PABPC4L: variants seen among roughly 807,000 people sequenced by gnomAD.
PABPC4L encodes the protein poly(A) binding protein cytoplasmic 4 like, also known as polyadenylate-binding protein 4-like.
For missense variants in PABPC4L, 452 were observed against 451.4 expected, an observed-to-expected ratio of 1.00 and a Z score of -0.01; for synonymous variants, 169 against 164.1, an observed-to-expected ratio of 1.03 and a Z score of -0.23.
At chr4:134,134,180 AT>A in the PABPC4L span, among the ~76,000 whole-genome samples, 3 of 152,034 alleles carry the variant, frequency 2.0e-5, no homozygotes, top group Non-Finnish European at 4.4e-5. Flanking sequence ...GAATCATCTG[AT>A]TTTAAGTTCT....
chr4:133,979,564 C>G, the PABPC4L span, among the ~76,000 whole-genome samples: 1 of 152,110 alleles, frequency 6.6e-6, no homozygotes, highest in Non-Finnish European at 1.5e-5. Context: ...CCTGGGCTTT[C>G]CGTATTAGTT....
chr4:134,051,769 T>C, the PABPC4L span, among the ~76,000 whole-genome samples: 2 of 152,060 alleles, frequency 1.3e-5, no homozygotes, highest in African/African-American at 4.8e-5. Flanking sequence ...ATAAAGGAAA[T>C]ATCACATTTT....
At chr4:133,948,983 C>A in the PABPC4L span, among the ~76,000 whole-genome samples, 1 of 152,184 alleles carries the variant, frequency 6.6e-6, no homozygotes, top group Non-Finnish European at 1.5e-5. Context: ...AGCCTGAGAG[C>A]TAACCATTCC....
chr4:134,035,064 A>G, the PABPC4L span, among the ~76,000 whole-genome samples: 1 of 151,880 alleles, frequency 6.6e-6, no homozygotes, highest in Non-Finnish European at 1.5e-5. Flanking sequence ...TGCAACCACC[A>G]CTCTCATCAG....
At chr4:134,013,200 G>A in the PABPC4L span, among the ~76,000 whole-genome samples, 1 of 151,778 alleles carries the variant, frequency 6.6e-6, no homozygotes, top group Non-Finnish European at 1.5e-5. Context: ...ACCCTTAGCG[G>A]CAAGTCCCAC....
At chr4:134,111,129 G>T in the PABPC4L span, among the ~76,000 whole-genome samples, 8 of 152,112 alleles carry the variant, frequency 5.3e-5, no homozygotes, top group African/African-American at 7.2e-5. Context: ...TTCCAAAAAG[G>T]TGCCTTGAAT....
chr4:134,138,446 C>G, the PABPC4L span, among the ~76,000 whole-genome samples: 1 of 151,742 alleles, frequency 6.6e-6, no homozygotes, highest in Admixed American at 6.6e-5. Context: ...ATCAGTAACT[C>G]TAGTGATTAC....
chr4:134,171,972 T>G, the PABPC4L span, among the ~76,000 whole-genome samples: 2 of 151,676 alleles, frequency 1.3e-5, no homozygotes, highest in African/African-American at 4.8e-5. Context: ...GCATGAAATA[T>G]CTCTACAATG....
At chr4:134,026,829 G>T in the PABPC4L span, among the ~76,000 whole-genome samples, 1 of 152,032 alleles carries the variant, frequency 6.6e-6, no homozygotes, top group African/African-American at 2.4e-5. Context: ...GAAAACAGAG[G>T]TCTACGAGCC....
the PABPC4L span, among the ~76,000 whole-genome samples, chr4:134,017,960 T>C: frequency 6.6e-6 from 1 of 152,084 alleles, no homozygotes; most frequent in Non-Finnish European, 1.5e-5. Context: ...CTTATTAATA[T>C]AAGAAGACAG....
At chr4:134,121,715 TG>T in the PABPC4L span, among the ~76,000 whole-genome samples, 1 of 151,748 alleles carries the variant, frequency 6.6e-6, no homozygotes, top group African/African-American at 2.4e-5. Flanking sequence ...TTCCAGCTCC[TG>T]CACAAGTTAG....
the PABPC4L span, among the ~76,000 whole-genome samples, chr4:134,121,929 T>C: frequency 6.6e-6 from 1 of 151,862 alleles, no homozygotes; most frequent in East Asian, 1.9e-4. Context: ...GAAAGACAAG[T>C]TCGCCATGAT....
At chr4:133,968,239 C>G in the PABPC4L span, among the ~76,000 whole-genome samples, 8 of 152,130 alleles carry the variant, frequency 5.3e-5, no homozygotes, top group Non-Finnish European at 8.8e-5. Context: ...TCCAAGTTCC[C>G]TTGGAAAGTA....
the PABPC4L span, among the ~76,000 whole-genome samples, chr4:134,003,457 T>C: frequency 6.6e-6 from 1 of 151,954 alleles, no homozygotes; most frequent in Non-Finnish European, 1.5e-5. Context: ...GTCTATTTTT[T>C]CCTTGTTGCA....
At chr4:134,039,072 C>A in the PABPC4L span, among the ~76,000 whole-genome samples, 1 of 152,058 alleles carries the variant, frequency 6.6e-6, no homozygotes. Context: ...GCCTTCATTT[C>A]ATTATTTACC....
chr4:134,004,602 A>G, the PABPC4L span, among the ~76,000 whole-genome samples: 2 of 151,834 alleles, frequency 1.3e-5, no homozygotes, highest in Admixed American at 1.3e-4. Flanking sequence ...CAGCAATCCC[A>G]CTACTGTGTA....
the PABPC4L span, among the ~76,000 whole-genome samples, chr4:134,138,863 A>G: frequency 1.3e-5 from 2 of 151,896 alleles, no homozygotes; most frequent in Non-Finnish European, 2.9e-5. Flanking sequence ...TCATACTACA[A>G]CTAACTTTGC....
chr4:134,096,760 A>G, the PABPC4L span, among the ~76,000 whole-genome samples: 3 of 152,040 alleles, frequency 2.0e-5, no homozygotes, highest in Non-Finnish European at 4.4e-5. Context: ...TCCAGTCAAT[A>G]GAAAATATCA....
chr4:134,141,811 A>C, the PABPC4L span, among the ~76,000 whole-genome samples: 56 of 151,832 alleles, frequency 3.7e-4, 1 homozygote, highest in Admixed American at 7.2e-4. Flanking sequence ...AAGGTCATCA[A>C]GGATGGAAAA....
Sources: allele counts gnomAD v4.1 joint callset (sites outside exome capture counted in the v4.1 genomes callset), GRCh38; gene constraint gnomAD v4.1.1; transcripts MANE v1.5; gene names NCBI Gene and HGNC (gene_info 2026-07-23, HGNC 2026-07-21).